DAP3: variants seen among roughly 807,000 people sequenced by gnomAD.
The protein encoded by DAP3 is small ribosomal subunit protein mS29.
In DAP3, 28 loss-of-function variants were observed where a neutral mutation model predicts 51.9. The ratio of observed to expected loss-of-function variants is 0.54; its 90% CI spans 0.40 to 0.74. DAP3 has a LOEUF of 0.74. Among genes scored for constraint, DAP3 ranks in the 30% least tolerant of loss-of-function variants. The pLI is 0.00. For missense variants in DAP3, 458 were observed against 483.5 expected (o/e 0.95, Z 0.49); for synonymous variants, 170 against 170.3 (o/e 1.00, Z 0.01).
upstream of DAP3, chr1:155,688,594 C>A: frequency 1.3e-6 from 2 of 1,536,242 alleles, no homozygotes; most frequent in South Asian, 1.2e-5. Context: ...GGAACCTCCT[C>A]GCCCAGTTCT....
At chr1:155,724,369 C>T (rs1483196042) in intron 4 of DAP3, among the ~76,000 whole-genome samples, 1 of 152,132 alleles carries the variant, frequency 6.6e-6, no homozygotes, top group Non-Finnish European at 1.5e-5. Flanking sequence ...GGTGCGGTGG[C>T]TCACGCCTAT....
At chr1:155,703,088 C>A (rs959617430) in intron 1 of DAP3, among the ~76,000 whole-genome samples, 1 of 152,170 alleles carries the variant, frequency 6.6e-6, no homozygotes, top group African/African-American at 2.4e-5. Context: ...CATATGAGGC[C>A]TCCAAATTTG....
At chr1:155,688,752 C>T (rs1653155567), upstream of DAP3, 8 of 1,519,760 alleles carry the variant, frequency 5.3e-6, no homozygotes, top group Non-Finnish European at 6.1e-6. Context: ...CCAAAGCAGC[C>T]GCCGCCAGCA....
At chr1:155,734,016 G>C (rs1659508683) in intron 11 of DAP3, among the ~76,000 whole-genome samples, 1 of 152,020 alleles carries the variant, frequency 6.6e-6, no homozygotes, top group South Asian at 2.1e-4. Flanking sequence ...AACTAGCTGG[G>C]CATGGTGGCA....
chr1:155,704,847 C>T (rs771110058), intron 1 of DAP3, among the ~76,000 whole-genome samples: 11 of 152,148 alleles, frequency 7.2e-5, no homozygotes, highest in African/African-American at 2.4e-4. Flanking sequence ...GGCGTGGTGG[C>T]GGGCGCCTGT....
At chr1:155,701,019 C>T (rs1443716428) in intron 1 of DAP3, among the ~76,000 whole-genome samples, 2 of 126,316 alleles carry the variant, frequency 1.6e-5, no homozygotes, top group African/African-American at 3.8e-5. Context: ...GTCAGCCCCC[C>T]GCCCGGCCAG....
intron 11 of DAP3, among the ~76,000 whole-genome samples, chr1:155,732,408 T>G (rs548631236): frequency 6.6e-6 from 1 of 152,160 alleles, no homozygotes; most frequent in Admixed American, 6.6e-5. Flanking sequence ...TTTTTGTATT[T>G]TTAGTAGAGA....
chr1:155,705,955 C>T (rs1267620946), intron 1 of DAP3, among the ~76,000 whole-genome samples: 2 of 152,110 alleles, frequency 1.3e-5, no homozygotes, highest in African/African-American at 4.8e-5. Flanking sequence ...TCCATCTCGG[C>T]CTCCCAAAAT....
chr1:155,699,247 T>G (rs1162660576), intron 1 of DAP3, among the ~76,000 whole-genome samples: 1 of 152,206 alleles, frequency 6.6e-6, no homozygotes, highest in Non-Finnish European at 1.5e-5. Context: ...TAAGTGAATC[T>G]CCTTTGTGCT....
At chr1:155,729,864 C>T (rs1196830013) in intron 9 of DAP3, among the ~76,000 whole-genome samples, 1 of 151,970 alleles carries the variant, frequency 6.6e-6, no homozygotes, top group African/African-American at 2.4e-5. Flanking sequence ...GGGCGGATCA[C>T]CTGAGCTTGG....
intron 4 of DAP3, 70 bp from the exon 5 acceptor site, chr1:155,725,312 A>G (rs1402943779): frequency 5.8e-6 from 8 of 1,371,530 alleles, no homozygotes; most frequent in South Asian, 1.2e-5. Flanking sequence ...CTTTAGGCAG[A>G]GTATATATAC....
chr1:155,712,645 T>A (rs1656862600), intron 2 of DAP3, among the ~76,000 whole-genome samples: 1 of 151,952 alleles, frequency 6.6e-6, no homozygotes, highest in Non-Finnish European at 1.5e-5. Context: ...AGATTCCATT[T>A]TGCTAGCTTT....
intron 3 of DAP3, among the ~76,000 whole-genome samples, chr1:155,718,958 C>T (rs1657671531): frequency 6.6e-6 from 1 of 152,198 alleles, no homozygotes; most frequent in African/African-American, 2.4e-5. Context: ...CTATACACAG[C>T]ACAGAAGAAT....
intron 3 of DAP3, among the ~76,000 whole-genome samples, chr1:155,719,137 A>G (rs897856813): frequency 2.0e-5 from 3 of 152,138 alleles, no homozygotes; most frequent in African/African-American, 7.2e-5. Flanking sequence ...TATGCCTGTA[A>G]TCCCAGGACT....
At chr1:155,718,151 C>T (rs759055835) in intron 3 of DAP3, among the ~76,000 whole-genome samples, 2 of 152,096 alleles carry the variant, frequency 1.3e-5, no homozygotes, top group African/African-American at 4.8e-5. Flanking sequence ...TTTGGGAGGC[C>T]GAGGCAGGAG....
chr1:155,691,660 A>G (rs948854675), intron 1 of DAP3, among the ~76,000 whole-genome samples: 3 of 141,878 alleles, frequency 2.1e-5, no homozygotes, highest in Non-Finnish European at 4.4e-5. Context: ...GGAACTGCCA[A>G]ACTTTTCCAA....
intron 4 of DAP3, among the ~76,000 whole-genome samples, chr1:155,723,820 C>T (rs1658263741): frequency 6.6e-6 from 1 of 152,136 alleles, no homozygotes; most frequent in Non-Finnish European, 1.5e-5. Flanking sequence ...GGGCAGATTA[C>T]TTAAGGCCAG....
rs1657670942 is a variant in DAP3 at position 155,718,954 on chromosome 1, A to G, written c.168+1826A>G. Among the ~76,000 whole-genome samples, 9 of 152,274 alleles carry G rather than the reference A, an allele frequency of 5.9e-5. No individual in the cohort carries two copies. In the South Asian group the frequency reaches 1.9e-3, roughly 32 times the overall value. On this transcript the variant is annotated intron_variant, in intron 3 of 12. Coordinates refer to ENST00000368336, the MANE Select transcript of DAP3 (RefSeq NM_004632.4). Reference sequence around the variant, plus strand: ...TCACATGACTGGAGCATCTCTATACACAGCACAGAAGAATCCAGATGGCAA... The same window carrying G: ...TCACATGACTGGAGCATCTCTATACGCAGCACAGAAGAATCCAGATGGCAA...
At chr1:155,731,855 A>T in intron 10 of DAP3, 89 bp from the exon 11 acceptor site, 1 of 1,378,704 alleles carries the variant, frequency 7.3e-7, no homozygotes. Flanking sequence ...CTGTATGCCC[A>T]AGAAAGAAAA....
Sources: gnomAD v4.1 joint callset for allele counts (sites outside exome capture counted in the v4.1 genomes callset) on GRCh38, gnomAD v4.1.1 for gene constraint, MANE v1.5 for transcripts, NCBI Gene and HGNC (gene_info 2026-07-23, HGNC 2026-07-21) for gene names.